The following CCDC102B variants were observed in gnomAD, a reference collection of about 807,000 sequenced individuals.
CCDC102B encodes coiled-coil domain containing 102B, also known as coiled-coil domain-containing protein 102B.
A neutral mutation model predicts 57.4 loss-of-function variants in CCDC102B; 75 were observed. That is an observed-to-expected ratio of 1.31 (90% confidence interval 1.08 to 1.58). CCDC102B has a LOEUF of 1.58. Among genes scored for constraint, CCDC102B ranks in the 40% most tolerant of loss-of-function variants. The pLI, the probability that CCDC102B is intolerant of heterozygous loss-of-function variation, is 0.00. For missense variants in CCDC102B, 636 were observed against 582.6 expected, an observed-to-expected ratio of 1.09 and a Z score of -0.94; for synonymous variants, 206 against 201.9, an observed-to-expected ratio of 1.02 and a Z score of -0.17.
At chr18:68,798,303 T>A (rs972492801) in intron 1 of CCDC102B, 122 bp downstream of exon 1, 1 of 152,160 alleles carries the variant, frequency 6.6e-6, no homozygotes, top group Non-Finnish European at 1.5e-5. Flanking sequence ...AAAACTACTG[T>A]AGAGCTGGGA....
At chr18:69,045,785 G>A (rs538697655) in intron 7 of CCDC102B, among the ~76,000 whole-genome samples, 1 of 152,114 alleles carries the variant, frequency 6.6e-6, no homozygotes, top group African/African-American at 2.4e-5. Context: ...AGGTCCCAGT[G>A]TCTGTTGTTC....
intron 6 of CCDC102B, among the ~76,000 whole-genome samples, chr18:68,985,467 T>C (rs1417255177): frequency 2.0e-5 from 3 of 152,114 alleles, no homozygotes; most frequent in Non-Finnish European, 2.9e-5. Flanking sequence ...ATTTAATAGA[T>C]GCAATTGAAG....
chr18:68,885,872 A>G (rs555067294), intron 5 of CCDC102B, among the ~76,000 whole-genome samples: 20 of 152,142 alleles, frequency 1.3e-4, no homozygotes, highest in African/African-American at 4.8e-4. Context: ...TGACACTCAT[A>G]TTATGTTCTG....
chr18:68,732,049 T>TAAGAGC (rs34986176), intron 2 of CCDC102B, among the ~76,000 whole-genome samples: 147,584 of 148,602 alleles, frequency 0.99, 73,293 homozygotes, highest in Middle Eastern at 1. Flanking sequence ...TTTAGTACTC[T>TAAGAGC]ACTCTGAGGA....
At chr18:69,053,137 A>G (rs1008365023) in intron 7 of CCDC102B, among the ~76,000 whole-genome samples, 1 of 151,832 alleles carries the variant, frequency 6.6e-6, no homozygotes, top group South Asian at 2.1e-4. Context: ...GTAGGTATAT[A>G]TGTCATGGCA....
intron 2 of CCDC102B, among the ~76,000 whole-genome samples, chr18:68,739,708 T>A (rs1461301735): frequency 1.3e-5 from 2 of 152,188 alleles, no homozygotes; most frequent in East Asian, 3.8e-4. Flanking sequence ...AAATGGTGTA[T>A]GTAGTTATTT....
chr18:69,052,000 A>G (rs2052718217), intron 7 of CCDC102B, among the ~76,000 whole-genome samples: 1 of 151,880 alleles, frequency 6.6e-6, no homozygotes, highest in Admixed American at 6.6e-5. Context: ...GAAAATATTG[A>G]TATATTTCAT....
intron 4 of CCDC102B, among the ~76,000 whole-genome samples, chr18:68,867,954 G>A (rs554973782): frequency 6.6e-6 from 1 of 151,890 alleles, no homozygotes; most frequent in Non-Finnish European, 1.5e-5. Flanking sequence ...CAAAAAAAAA[G>A]GGCTAGTTAG....
chr18:68,916,489 T>G (rs1175106916), intron 6 of CCDC102B, among the ~76,000 whole-genome samples: 2 of 152,168 alleles, frequency 1.3e-5, no homozygotes, highest in Admixed American at 6.5e-5. Context: ...CCAGATCTCT[T>G]TTTTCCAGCA....
chr18:68,730,357 C>T (rs1435578431), intron 2 of CCDC102B, among the ~76,000 whole-genome samples: 1 of 152,076 alleles, frequency 6.6e-6, no homozygotes, highest in African/African-American at 2.4e-5. Flanking sequence ...TTCAAAGGTA[C>T]TAACCCAATT....
At chr18:68,899,617 G>A (rs1407082488) in intron 6 of CCDC102B, among the ~76,000 whole-genome samples, 1 of 152,006 alleles carries the variant, frequency 6.6e-6, no homozygotes, top group Non-Finnish European at 1.5e-5. Context: ...CATGACATTT[G>A]CATTTAAATC....
intron 6 of CCDC102B, among the ~76,000 whole-genome samples, chr18:69,005,519 T>G (rs1469760605): frequency 6.6e-6 from 1 of 152,054 alleles, no homozygotes; most frequent in African/African-American, 2.4e-5. Flanking sequence ...TTCCTTCTAT[T>G]AGATACATAT....
intron 4 of CCDC102B, among the ~76,000 whole-genome samples, chr18:68,861,742 T>C (rs548562749): frequency 1.3e-5 from 2 of 152,310 alleles, no homozygotes; most frequent in Admixed American, 1.3e-4. Flanking sequence ...TACCGAATAC[T>C]CTGTGGGCCC....
intron 6 of CCDC102B, among the ~76,000 whole-genome samples, chr18:68,928,255 G>C (rs957872881): frequency 2.0e-5 from 3 of 151,860 alleles, no homozygotes; most frequent in Non-Finnish European, 4.4e-5. Flanking sequence ...ACATCGCCTG[G>C]ATTATCAGCA....
At chr18:68,951,473 G>A (rs2049695938) in intron 6 of CCDC102B, among the ~76,000 whole-genome samples, 1 of 152,010 alleles carries the variant, frequency 6.6e-6, no homozygotes, top group Non-Finnish European at 1.5e-5. Flanking sequence ...ATATTAACTA[G>A]TAGAATAAAA....
intron 1 of CCDC102B, among the ~76,000 whole-genome samples, chr18:68,835,679 A>G (rs1037393770): frequency 2.6e-5 from 4 of 152,220 alleles, no homozygotes; most frequent in Admixed American, 1.3e-4. Context: ...ATTCAGAGGT[A>G]TGCATTCTAC....
chr18:68,743,574 T>A (rs935102775), intron 2 of CCDC102B, among the ~76,000 whole-genome samples: 3 of 152,236 alleles, frequency 2.0e-5, no homozygotes, highest in African/African-American at 7.2e-5. Context: ...CGCTCAATGC[T>A]TGCCTTCACT....
At position 68,837,172 on chromosome 18, in the gene CCDC102B, C is replaced by T. The variant is rs750814295; in HGVS notation, c.409C>T (p.Leu137=). The change falls in exon 2 of 8, where the codon CTG becomes TTG. Residue 137 remains leucine, a synonymous_variant. Coordinates refer to ENST00000360242, the MANE Select transcript of CCDC102B (RefSeq NM_024781.3). The part of the protein sequence containing the change: ...LEMAMKELST[L]KKKQSLPPQK... The stretch of plus-strand genomic sequence containing the variant: ...GATGGCGATGAAAGAATTGAGTACA[C>T]TGAAAAAGAAACAGAGTTTGCCACC... The T allele has an allele frequency of 1.2e-6, 2 of 1,614,082 alleles. No homozygotes were observed. Among genetic ancestry groups the T allele is most frequent in the Non-Finnish European group, 1.7e-6 (2 of 1,180,004 alleles).
rs71175201 is a variant in CCDC102B at position 68,853,672 on chromosome 18, T to TAAAAAAAAAAAAAAAAAAAAAA, written c.936+7260_936+7281dup. ...CGAATTTTTCTTTATCCCCAAATTG[T>TAAAAAAAAAAAAAAAAAAAAAA]AAAAAAAAAAAAAAAAAAAAAAAAA... On this transcript the variant is annotated intron_variant, in intron 4 of 7. Transcript: ENST00000360242. Among the ~76,000 whole-genome samples, 46 of 94,640 alleles carry TAAAAAAAAAAAAAAAAAAAAAA rather than the reference T, an allele frequency of 4.9e-4. 5 individuals are homozygous for TAAAAAAAAAAAAAAAAAAAAAA. The highest frequency in any genetic ancestry group is 1.0e-3 in the African/African-American group (22 of 21,344). 62.1% of individuals were successfully genotyped at this position (94,640 alleles called of 152,430 possible). A position where few individuals can be genotyped will look rare whatever the true frequency, so the allele number is the denominator to read the frequency against.
Sources: allele counts gnomAD v4.1 joint callset (sites outside exome capture counted in the v4.1 genomes callset), GRCh38; gene constraint gnomAD v4.1.1; transcripts MANE v1.5; gene names NCBI Gene and HGNC (gene_info 2026-07-23, HGNC 2026-07-21).